NME7: variants seen among roughly 807,000 people sequenced by gnomAD.
NME7 encodes the protein nucleoside diphosphate kinase 7.
A neutral mutation model predicts 49.1 loss-of-function variants in NME7; 41 were observed. The ratio of observed to expected loss-of-function variants is 0.83; its 90% CI spans 0.65 to 1.08. The LOEUF is 1.08. Among genes scored for constraint, NME7 ranks in the 50% least tolerant of loss-of-function variants. The pLI is 0.00. For synonymous variants in NME7, 139 were observed against 150.6 expected (o/e 0.92, Z 0.56); for missense variants, 423 against 463.4 (o/e 0.91, Z 0.80).
chr1:169,258,141 C>T (rs80342369), intron 7 of NME7, among the ~76,000 whole-genome samples: 2,359 of 129,576 alleles, frequency 0.018, 317 homozygotes, highest in African/African-American at 0.054. Context: ...AGTTTGTGGC[C>T]AGCCTGGGAA....
chr1:169,221,362 C>A (rs1406195914), intron 10 of NME7, among the ~76,000 whole-genome samples: 1 of 152,130 alleles, frequency 6.6e-6, no homozygotes, highest in East Asian at 1.9e-4. Context: ...AAGCTAAAGT[C>A]ATTATGAGGA....
chr1:169,146,584 A>G (rs1307925751), intron 11 of NME7, among the ~76,000 whole-genome samples: 1 of 152,228 alleles, frequency 6.6e-6, no homozygotes, highest in African/African-American at 2.4e-5. Context: ...ATCATCTTTG[A>G]ATATATTTCA....
At chr1:169,195,823 C>T (rs955388259) in intron 10 of NME7, among the ~76,000 whole-genome samples, 1 of 152,126 alleles carries the variant, frequency 6.6e-6, no homozygotes, top group Non-Finnish European at 1.5e-5. Flanking sequence ...AAATCCTTTC[C>T]TTCCAAGAGC....
At chr1:169,189,397 T>A (rs1660156028) in intron 10 of NME7, among the ~76,000 whole-genome samples, 1 of 152,142 alleles carries the variant, frequency 6.6e-6, no homozygotes, top group Non-Finnish European at 1.5e-5. Flanking sequence ...TTGTAAAAAT[T>A]TTTGCTTTAT....
intron 10 of NME7, among the ~76,000 whole-genome samples, chr1:169,217,343 A>G (rs1434963391): frequency 6.6e-6 from 1 of 152,184 alleles, no homozygotes; most frequent in African/African-American, 2.4e-5. Flanking sequence ...ATTGGGATGC[A>G]CTCCAAGTGT....
At chr1:169,256,014 A>C (rs1571331955) in intron 7 of NME7, among the ~76,000 whole-genome samples, 1 of 132,078 alleles carries the variant, frequency 7.6e-6, no homozygotes, top group African/African-American at 2.6e-5. Flanking sequence ...CTTCATTTCA[A>C]CTTTGGTGAA....
chr1:169,164,796 CT>C (rs1221279881), intron 11 of NME7, among the ~76,000 whole-genome samples: 2 of 152,162 alleles, frequency 1.3e-5, no homozygotes, highest in African/African-American at 4.8e-5. Context: ...TCTTCCTTTG[CT>C]TAGATCCTAA....
intron 7 of NME7, among the ~76,000 whole-genome samples, chr1:169,241,600 G>A (rs867240571): frequency 3.4e-4 from 51 of 151,766 alleles, no homozygotes; most frequent in African/African-American, 1.1e-3. Flanking sequence ...AAGTTCACAC[G>A]ATATATAGGA....
chr1:169,295,385 T>C (rs1418104983), intron 6 of NME7, among the ~76,000 whole-genome samples: 1 of 152,130 alleles, frequency 6.6e-6, no homozygotes, highest in Non-Finnish European at 1.5e-5. Context: ...TAGGGTGAAA[T>C]AGGCAGGAAA....
chr1:169,144,582 T>C (rs1314525429), intron 11 of NME7, among the ~76,000 whole-genome samples: 2 of 152,180 alleles, frequency 1.3e-5, no homozygotes, highest in African/African-American at 4.8e-5. Context: ...ATTTACTTTC[T>C]GATGTCAATT....
chr1:169,229,352 T>G (rs1356382150), intron 10 of NME7, among the ~76,000 whole-genome samples: 1 of 152,222 alleles, frequency 6.6e-6, no homozygotes, highest in African/African-American at 2.4e-5. Flanking sequence ...CTTTAGATCT[T>G]TTCTCATTCT....
intron 7 of NME7, among the ~76,000 whole-genome samples, chr1:169,257,262 C>T (rs1163957063): frequency 1.5e-5 from 2 of 134,820 alleles, no homozygotes; most frequent in Admixed American, 1.4e-4. Context: ...GATATAATCT[C>T]GTGGTGCGCC....
chr1:169,213,335 C>A (rs1660884843), intron 10 of NME7, among the ~76,000 whole-genome samples: 2 of 151,356 alleles, frequency 1.3e-5, no homozygotes, highest in African/African-American at 2.4e-5. Flanking sequence ...TAGAACTTAA[C>A]TACTGTAAAT....
intron 10 of NME7, among the ~76,000 whole-genome samples, chr1:169,210,991 C>CT (rs3835446): frequency 0.13 from 19,270 of 149,088 alleles, 2,547 homozygotes; most frequent in East Asian, 0.77. Flanking sequence ...ATCATAAGCT[C>CT]TTTTTTTTTT....
At chr1:169,262,220 A>G (rs1367543901) in intron 7 of NME7, among the ~76,000 whole-genome samples, 1 of 134,040 alleles carries the variant, frequency 7.5e-6, no homozygotes, top group African/African-American at 2.5e-5. Flanking sequence ...GAGAGGCCAC[A>G]TGGAAAGAGT....
intron 10 of NME7, among the ~76,000 whole-genome samples, chr1:169,187,220 G>C (rs1375720869): frequency 6.6e-6 from 1 of 150,750 alleles, no homozygotes; most frequent in Non-Finnish European, 1.5e-5. Context: ...GTGCTGAGAA[G>C]AATGATTTCG....
intron 10 of NME7, among the ~76,000 whole-genome samples, chr1:169,223,722 T>C (rs560010479): frequency 6.6e-6 from 1 of 152,256 alleles, no homozygotes; most frequent in East Asian, 1.9e-4. Flanking sequence ...GAAGTCAAGA[T>C]CTGGAAACTA....
At chr1:169,324,041 GA>G (rs1196682149) in intron 2 of NME7, among the ~76,000 whole-genome samples, 1 of 151,666 alleles carries the variant, frequency 6.6e-6, no homozygotes, top group Non-Finnish European at 1.5e-5. Flanking sequence ...CTTTAGTAGA[GA>G]TGGGTTTTCA....
intron 11 of NME7, among the ~76,000 whole-genome samples, chr1:169,133,246 A>C (rs368408624): frequency 1.4e-3 from 129 of 95,366 alleles, no homozygotes; most frequent in Admixed American, 4.8e-3. Flanking sequence ...AGAAGATAAA[A>C]AAGCTTTCCA....
Sources: allele counts gnomAD v4.1 joint callset (sites outside exome capture counted in the v4.1 genomes callset), GRCh38; gene constraint gnomAD v4.1.1; transcripts MANE v1.5; gene names NCBI Gene and HGNC (gene_info 2026-07-23, HGNC 2026-07-21).